Variants in MALRD1 observed in about 807,000 individuals in gnomAD.
MALRD1 encodes the protein MAM and LDL receptor class A domain containing 1, also known as MAM and LDL-receptor class A domain-containing protein 1.
Under a neutral mutation model 242.1 loss-of-function variants are expected in MALRD1, and 247 were observed. That is an observed-to-expected ratio of 1.02 (90% CI 0.92 to 1.13). MALRD1 has a LOEUF of 1.13. MALRD1 is among the 50% of genes most tolerant of loss of function. The pLI is 0.00. For missense variants in MALRD1, 2,989 were observed against 2,533.1 expected (o/e 1.18, Z -3.86); for synonymous variants, 995 against 866.6 (o/e 1.15, Z -2.60).
At chr10:19,339,734 A>G (rs1322997101) in intron 24 of MALRD1, among the ~76,000 whole-genome samples, 5 of 152,154 alleles carry the variant, frequency 3.3e-5, no homozygotes, top group Admixed American at 6.6e-5. Context: ...AGGTTCTGTG[A>G]TGTGTTTTCT....
intron 26 of MALRD1, among the ~76,000 whole-genome samples, chr10:19,352,772 C>G: frequency 6.6e-6 from 1 of 152,096 alleles, no homozygotes; most frequent in East Asian, 1.9e-4. Context: ...TCCATATGTC[C>G]TTTTAACCTA....
At chr10:19,310,734 T>C (rs1486262876) in intron 21 of MALRD1, among the ~76,000 whole-genome samples, 1 of 151,498 alleles carries the variant, frequency 6.6e-6, no homozygotes, top group Admixed American at 6.6e-5. Flanking sequence ...GACTCTATTT[T>C]GTGCCACTGT....
At chr10:19,723,834 G>A (rs1250037842) in intron 38 of MALRD1, among the ~76,000 whole-genome samples, 1 of 151,980 alleles carries the variant, frequency 6.6e-6, no homozygotes, top group Non-Finnish European at 1.5e-5. Context: ...TGTTGCAAGA[G>A]TATTACTCCC....
intron 30 of MALRD1, among the ~76,000 whole-genome samples, chr10:19,495,204 T>G (rs1458433864): frequency 6.6e-6 from 1 of 152,104 alleles, no homozygotes; most frequent in Non-Finnish European, 1.5e-5. Context: ...TTCAAACTCC[T>G]GATCTCAAGT....
chr10:19,068,046 T>G (rs1835032776), intron 2 of MALRD1, among the ~76,000 whole-genome samples: 1 of 152,134 alleles, frequency 6.6e-6, no homozygotes, highest in African/African-American at 2.4e-5. Context: ...TTTAGTTATG[T>G]TAGATGGTGA....
chr10:19,325,034 C>T (rs561789654), intron 22 of MALRD1, among the ~76,000 whole-genome samples: 38 of 71,922 alleles, frequency 5.3e-4, no homozygotes, highest in Admixed American at 2.3e-3. Context: ...TTTGCTTGAA[C>T]TAATTTTACA....
chr10:19,153,762 T>C (rs559482747), intron 11 of MALRD1, among the ~76,000 whole-genome samples: 26 of 152,276 alleles, frequency 1.7e-4, no homozygotes, highest in Admixed American at 2.6e-4. Flanking sequence ...TAGATTTTCT[T>C]TTCATTACTT....
chr10:19,404,298 G>GA (rs1360932985), intron 28 of MALRD1, among the ~76,000 whole-genome samples: 2 of 151,842 alleles, frequency 1.3e-5, no homozygotes, highest in Middle Eastern at 3.4e-3. Context: ...ACATCATTAG[G>GA]AAAAAATCTC....
At chr10:19,318,359 T>C (rs12248226) in intron 21 of MALRD1, among the ~76,000 whole-genome samples, 1 of 151,830 alleles carries the variant, frequency 6.6e-6, no homozygotes, top group Non-Finnish European at 1.5e-5. Context: ...TCCTGACATA[T>C]CTCCTTTTTT....
At chr10:19,362,827 G>T (rs1228066619) in intron 26 of MALRD1, among the ~76,000 whole-genome samples, 10 of 152,108 alleles carry the variant, frequency 6.6e-5, no homozygotes, top group African/African-American at 2.4e-4. Context: ...GGACGTTGAA[G>T]TTATGCAAGC....
intron 38 of MALRD1, 34 bp from the exon 39 acceptor site, chr10:19,730,672 G>A: frequency 6.5e-7 from 1 of 1,530,580 alleles, no homozygotes; most frequent in South Asian, 1.2e-5. Context: ...AATGTCAATA[G>A]TTTTTTATTT....
Position 19,687,677 on chromosome 10 carries a change from C to A in MALRD1, c.6138-4605C>A, listed in dbSNP as rs181564626. Among the ~76,000 whole-genome samples, 58 of 152,280 alleles carry A rather than the reference C, an allele frequency of 3.8e-4. 1 individual carries two copies. In the East Asian group the frequency reaches 0.011, roughly 29 times the overall value. ...CAGGATTAGACATTTTCTCGTTTTT[C>A]ATTTGTTATACAAATCTTACTGATT... On this transcript the variant is annotated intron_variant, in intron 36 of 39. Transcript: ENST00000454679.
intron 18 of MALRD1, among the ~76,000 whole-genome samples, chr10:19,240,134 T>C (rs1011516615): frequency 2.6e-5 from 4 of 152,092 alleles, no homozygotes; most frequent in Non-Finnish European, 5.9e-5. Context: ...CATGAGTATA[T>C]AATGTCCATT....
intron 36 of MALRD1, among the ~76,000 whole-genome samples, chr10:19,689,760 T>A (rs1282166796): frequency 1.3e-5 from 2 of 152,174 alleles, no homozygotes; most frequent in African/African-American, 2.4e-5. Context: ...ATTCATCATT[T>A]TATCCCATGA....
At chr10:19,710,997 T>C (rs917660826) in intron 38 of MALRD1, 2 of 152,220 alleles carry the variant, frequency 1.3e-5, no homozygotes, top group African/African-American at 4.8e-5. Context: ...TAGTAAGTTA[T>C]ATAGTTTTCC....
At chr10:19,671,924 T>G (rs1488632203) in intron 36 of MALRD1, among the ~76,000 whole-genome samples, 2 of 152,112 alleles carry the variant, frequency 1.3e-5, no homozygotes, top group African/African-American at 4.8e-5. Flanking sequence ...CATCTCTTGC[T>G]CTTTTCTTTT....
At chr10:19,506,775 A>G (rs1199784049) in intron 31 of MALRD1, among the ~76,000 whole-genome samples, 2 of 152,178 alleles carry the variant, frequency 1.3e-5, no homozygotes, top group East Asian at 3.8e-4. Flanking sequence ...AGATGGTGCA[A>G]TTTGATACCA....
chr10:19,713,350 A>AT (rs1399236867), intron 38 of MALRD1, among the ~76,000 whole-genome samples: 1 of 152,224 alleles, frequency 6.6e-6, no homozygotes, highest in Non-Finnish European at 1.5e-5. Context: ...AAAACCATAC[A>AT]TAAACCACAC....
intron 29 of MALRD1, among the ~76,000 whole-genome samples, chr10:19,468,344 C>A (rs1336886046): frequency 6.6e-6 from 1 of 151,850 alleles, no homozygotes; most frequent in East Asian, 1.9e-4. Context: ...TTAAAAGGTT[C>A]TTTTAATCTA....
Sources: gnomAD v4.1 joint callset for allele counts (sites outside exome capture counted in the v4.1 genomes callset) on GRCh38, gnomAD v4.1.1 for gene constraint, MANE v1.5 for transcripts, NCBI Gene and HGNC (gene_info 2026-07-23, HGNC 2026-07-21) for gene names.